LRRTM4: variants seen among roughly 807,000 people sequenced by gnomAD.
LRRTM4 encodes leucine rich repeat transmembrane neuronal 4.
A neutral mutation model predicts 47.6 loss-of-function variants in LRRTM4; 25 were observed. That is an observed-to-expected ratio of 0.53 (90% CI 0.38 to 0.73). The LOEUF is 0.73. Ranked by LOEUF, LRRTM4 falls within the 30% of genes least tolerant of loss-of-function variation. The probability of loss-of-function intolerance (pLI) is 0.00; values close to 1 mark genes in which losing one functional copy is unlikely to be tolerated. For missense variants in LRRTM4, 638 were observed against 713.4 expected (o/e 0.89, Z 1.20); for synonymous variants, 311 against 269.5 (o/e 1.15, Z -1.51).
At chr2:77,063,367 A>T (rs751772607) in intron 3 of LRRTM4, among the ~76,000 whole-genome samples, 1 of 152,110 alleles carries the variant, frequency 6.6e-6, no homozygotes, top group African/African-American at 2.4e-5. Flanking sequence ...GGTTAATTCT[A>T]TTTTGAATAG....
At chr2:76,970,420 C>G (rs1573384606) in intron 3 of LRRTM4, among the ~76,000 whole-genome samples, 1 of 152,062 alleles carries the variant, frequency 6.6e-6, no homozygotes, top group Middle Eastern at 3.4e-3. Context: ...CTTTTGGTTT[C>G]TTTCCTATTA....
At chr2:76,752,960 T>C (rs1017732214) in intron 3 of LRRTM4, among the ~76,000 whole-genome samples, 2 of 152,196 alleles carry the variant, frequency 1.3e-5, no homozygotes, top group Non-Finnish European at 2.9e-5. Flanking sequence ...GCTCATTGAC[T>C]GCATTGGAAG....
intron 3 of LRRTM4, among the ~76,000 whole-genome samples, chr2:77,447,279 TTG>T (rs377674991): frequency 2.0e-5 from 3 of 147,458 alleles, no homozygotes; most frequent in African/African-American, 7.5e-5. Flanking sequence ...CTATGTGTGT[TTG>T]TGTGTGTGTG....
At chr2:77,462,511 A>G (rs556122511) in intron 3 of LRRTM4, among the ~76,000 whole-genome samples, 15 of 152,124 alleles carry the variant, frequency 9.9e-5, no homozygotes, top group African/African-American at 3.4e-4. Flanking sequence ...CCTGGCTATC[A>G]CCAATCAGTT....
chr2:76,818,556 A>G (rs752592030), intron 3 of LRRTM4, among the ~76,000 whole-genome samples: 3 of 151,718 alleles, frequency 2.0e-5, no homozygotes, highest in South Asian at 2.1e-4. Context: ...CTCTTTTTCA[A>G]TTCCTCACAA....
At chr2:77,028,475 C>G (rs1678530589) in intron 3 of LRRTM4, among the ~76,000 whole-genome samples, 1 of 152,002 alleles carries the variant, frequency 6.6e-6, no homozygotes, top group Non-Finnish European at 1.5e-5. Flanking sequence ...CTATTCATGA[C>G]TAAACTTCAA....
intron 3 of LRRTM4, among the ~76,000 whole-genome samples, chr2:76,767,155 TA>T (rs1459798510): frequency 6.6e-6 from 1 of 152,220 alleles, no homozygotes; most frequent in Non-Finnish European, 1.5e-5. Flanking sequence ...ATTCTCTTTT[TA>T]TTCAAAGTTT....
At chr2:76,957,318 T>G (rs914525197) in intron 3 of LRRTM4, among the ~76,000 whole-genome samples, 8 of 151,692 alleles carry the variant, frequency 5.3e-5, no homozygotes, top group African/African-American at 1.4e-4. Flanking sequence ...AATGAAAAAG[T>G]TTTAGAGATA....
chr2:76,992,840 A>G (rs200496692), intron 3 of LRRTM4, among the ~76,000 whole-genome samples: 1 of 146,434 alleles, frequency 6.8e-6, no homozygotes, highest in South Asian at 2.1e-4. Flanking sequence ...AAAAAAAAAA[A>G]GCTGGGTGTA....
intron 3 of LRRTM4, among the ~76,000 whole-genome samples, chr2:77,044,933 A>C (rs973731671): frequency 6.6e-6 from 1 of 151,634 alleles, no homozygotes; most frequent in African/African-American, 2.4e-5. Flanking sequence ...ATATGTGTAT[A>C]TGTGTGTGTG....
chr2:76,994,483 A>C (rs548213859), intron 3 of LRRTM4, among the ~76,000 whole-genome samples: 1 of 151,758 alleles, frequency 6.6e-6, no homozygotes, highest in African/African-American at 2.4e-5. Context: ...AGCTTTGGCT[A>C]CTGTTGATGC....
intron 3 of LRRTM4, among the ~76,000 whole-genome samples, chr2:77,131,534 T>C (rs1241137950): frequency 6.6e-6 from 1 of 152,184 alleles, no homozygotes; most frequent in Non-Finnish European, 1.5e-5. Context: ...CTAATGTTCG[T>C]ATGGTGTGTG....
intron 3 of LRRTM4, among the ~76,000 whole-genome samples, chr2:77,438,597 G>A (rs1675706986): frequency 6.6e-6 from 1 of 151,670 alleles, no homozygotes; most frequent in Non-Finnish European, 1.5e-5. Context: ...TAGTAGAGAC[G>A]GGATTTCACC....
intron 3 of LRRTM4, among the ~76,000 whole-genome samples, chr2:77,326,272 T>C (rs116580728): frequency 6.6e-6 from 1 of 152,358 alleles, no homozygotes; most frequent in Non-Finnish European, 1.5e-5. Context: ...GTAAAACTTG[T>C]ATGAAATAAA....
At chr2:77,252,547 A>G (rs1468149525) in intron 3 of LRRTM4, among the ~76,000 whole-genome samples, 1 of 148,896 alleles carries the variant, frequency 6.7e-6, no homozygotes, top group Non-Finnish European at 1.5e-5. Context: ...AGAAAATTAA[A>G]GTGAATTTAA....
intron 3 of LRRTM4, among the ~76,000 whole-genome samples, chr2:77,059,219 A>C (rs561379320): frequency 6.6e-6 from 1 of 152,312 alleles, no homozygotes. Flanking sequence ...ACTTCAAAAT[A>C]AACATATTGT....
Position 76,800,701 on chromosome 2 carries a change from T to A in LRRTM4, c.1552-51785A>T, listed in dbSNP as rs1411651517. ...ATGGGAGAAAATTTTCACAACCTAC[T>A]CATCTGACAAAGGGCTAATATCCAG... On this transcript the variant is annotated intron_variant, in intron 3 of 3. Transcript: ENST00000409884. Among the ~76,000 whole-genome samples the A allele has an allele frequency of 1.6e-5, 2 of 121,866 alleles. 1 individual carries two copies. The highest frequency in any genetic ancestry group is 5.0e-4 in the East Asian group (2 of 3,974). 79.9% of individuals were successfully genotyped at this position (121,866 alleles called of 152,430 possible). A position where few individuals can be genotyped will look rare whatever the true frequency, so the allele number is the denominator to read the frequency against.
At chr2:77,125,293 C>T (rs1169973924) in intron 3 of LRRTM4, among the ~76,000 whole-genome samples, 2 of 152,124 alleles carry the variant, frequency 1.3e-5, no homozygotes, top group Admixed American at 1.3e-4. Context: ...ATTTTGTAAA[C>T]ACTCTTTCTA....
intron 3 of LRRTM4, among the ~76,000 whole-genome samples, chr2:77,144,806 A>G (rs561493742): frequency 4.6e-5 from 7 of 152,272 alleles, no homozygotes; most frequent in Non-Finnish European, 8.8e-5. Context: ...AGATTCAGCA[A>G]TTTTTTAAAA....
Sources: allele counts gnomAD v4.1 joint callset (sites outside exome capture counted in the v4.1 genomes callset), GRCh38; gene constraint gnomAD v4.1.1; transcripts MANE v1.5; gene names NCBI Gene and HGNC (gene_info 2026-07-23, HGNC 2026-07-21).